MLLT3: variants seen among roughly 807,000 people sequenced by gnomAD.
MLLT3 encodes protein AF-9.
MLLT3 carries 4 observed loss-of-function variants against 53.2 expected under a neutral mutation model. The observed-to-expected ratio is 0.08, with a 90% CI of 0.04 to 0.17. The LOEUF is 0.17. Ranked by LOEUF, MLLT3 falls within the 10% of genes least tolerant of loss-of-function variation. MLLT3 has a pLI of 1.00. For synonymous variants in MLLT3, 283 were observed against 230.6 expected (o/e 1.23, Z -2.06); for missense variants, 569 against 684.0 (o/e 0.83, Z 1.87).
At chr9:20,444,911 G>A (rs1054554864) in intron 4 of MLLT3, among the ~76,000 whole-genome samples, 1 of 150,958 alleles carries the variant, frequency 6.6e-6, no homozygotes, top group Admixed American at 6.6e-5. Context: ...AGGCAACACA[G>A]TAAGACCCTG....
intron 2 of MLLT3, among the ~76,000 whole-genome samples, chr9:20,500,318 G>A (rs376818729): frequency 1.2e-4 from 18 of 152,176 alleles, no homozygotes; most frequent in African/African-American, 4.1e-4. Flanking sequence ...CTTACATGAA[G>A]GCTGCAGGTT....
intron 2 of MLLT3, among the ~76,000 whole-genome samples, chr9:20,488,393 G>GA (rs1411443629): frequency 1.3e-5 from 2 of 151,722 alleles, no homozygotes; most frequent in South Asian, 4.2e-4. Flanking sequence ...CAATAAAAAA[G>GA]AAAAAAACTA....
At chr9:20,567,454 T>C (rs1247836769) in intron 2 of MLLT3, among the ~76,000 whole-genome samples, 1 of 152,176 alleles carries the variant, frequency 6.6e-6, no homozygotes, top group Non-Finnish European at 1.5e-5. Context: ...CAAGCTATAG[T>C]GAGCCTAAAC....
At chr9:20,359,497 G>T (rs1371656972) in intron 8 of MLLT3, among the ~76,000 whole-genome samples, 6 of 152,176 alleles carry the variant, frequency 3.9e-5, no homozygotes, top group African/African-American at 1.4e-4. Context: ...TTTAATGTAG[G>T]ACACAAAGAA....
intron 2 of MLLT3, among the ~76,000 whole-genome samples, chr9:20,512,687 G>A (rs1460665271): frequency 6.6e-6 from 1 of 152,110 alleles, no homozygotes; most frequent in Admixed American, 6.5e-5. Flanking sequence ...GTTTTTTAAT[G>A]CAGCTGATTT....
Position 20,613,587 on chromosome 9 carries a change from C to CT in MLLT3, c.193+7066dup, listed in dbSNP as rs533322604. Among the ~76,000 whole-genome samples the CT allele has an allele frequency of 1.6e-3, 226 of 142,192 alleles. 4 individuals carry two copies. The South Asian group carries it at 0.026, about 17-fold the overall frequency. The allele number at this position is 142,192 out of a possible 152,430, so 93.3% of individuals were successfully genotyped here. On this transcript the variant is annotated intron_variant, in intron 2 of 10. Coordinates refer to ENST00000380338, the MANE Select transcript of MLLT3 (RefSeq NM_004529.4). The stretch of plus-strand genomic sequence containing the variant: ...ATATCATTCTCTGCATTTCCCCATG[C>CT]TTTTTTTTTTTTAATTAAAAAAGCA...
intron 5 of MLLT3, among the ~76,000 whole-genome samples, chr9:20,373,186 C>T (rs1480036537): frequency 1.3e-5 from 2 of 152,154 alleles, no homozygotes; most frequent in African/African-American, 2.4e-5. Flanking sequence ...ACCTAGCACA[C>T]TGCTGTTCTA....
rs1820995362 is a variant in MLLT3, at chr9:20,621,183, G to A, written c.13-349C>T. Among the ~76,000 whole-genome samples, 1 of 152,216 alleles carries A rather than the reference G, an allele frequency of 6.6e-6. No individual in the cohort carries two copies. Among genetic ancestry groups the A allele is most frequent in the Non-Finnish European group, 1.5e-5 (1 of 68,038 alleles). On this transcript the variant is annotated intron_variant, in intron 1 of 10. Transcript: ENST00000380338. This position sits in a 1 kb window ranked among gnomAD's most constrained non-coding sequence, Gnocchi z 7.0. ...ATGCATCGGAAACAAATCAGAAGGCGATGCCGGGGCGGTTTCCCGGCGTGG... is the reference window on the plus strand; with the variant it reads ...ATGCATCGGAAACAAATCAGAAGGCAATGCCGGGGCGGTTTCCCGGCGTGG...
intron 4 of MLLT3, among the ~76,000 whole-genome samples, chr9:20,430,688 C>T (rs1191573649): frequency 6.6e-6 from 1 of 151,970 alleles, no homozygotes; most frequent in Non-Finnish European, 1.5e-5. Context: ...ATCTATATGA[C>T]CTTGGTATAG....
chr9:20,484,908 T>A (rs1346264052), intron 2 of MLLT3, among the ~76,000 whole-genome samples: 2 of 152,184 alleles, frequency 1.3e-5, no homozygotes, highest in Non-Finnish European at 2.9e-5. Flanking sequence ...AAGGAGTATG[T>A]ATGGTAAAGG....
At chr9:20,351,958 G>A (rs562474054) in intron 10 of MLLT3, among the ~76,000 whole-genome samples, 4 of 152,174 alleles carry the variant, frequency 2.6e-5, no homozygotes, top group African/African-American at 9.7e-5. Context: ...ATGCAATTAG[G>A]GTGAAATGCT....
intron 4 of MLLT3, among the ~76,000 whole-genome samples, chr9:20,423,938 G>A (rs1228790200): frequency 6.6e-6 from 1 of 151,992 alleles, no homozygotes; most frequent in Non-Finnish European, 1.5e-5. Context: ...CATCTCCAAA[G>A]AAAAGAAAAT....
intron 4 of MLLT3, among the ~76,000 whole-genome samples, chr9:20,439,747 G>A (rs746621279): frequency 4.6e-5 from 7 of 152,100 alleles, no homozygotes; most frequent in Non-Finnish European, 1.0e-4. Flanking sequence ...TATATTAAAT[G>A]CAAAATATAG....
At position 20,567,858 on chromosome 9, in the gene MLLT3, G is replaced by A. The variant is rs571604800; in HGVS notation, c.193+52796C>T. 2.0e-4 allele frequency among the ~76,000 whole-genome samples: 30 copies of A among 152,082 alleles called. 1 individual carries two copies. The South Asian group carries it at 6.2e-3, about 32-fold the overall frequency. On this transcript the variant is annotated intron_variant, in intron 2 of 10. Transcript: ENST00000380338. ...GGTCTTCATTCCACTGGGGAGCAAGGGGTTTAAAAAAGAGAAAGGCCCATG... is the reference window on the plus strand; with the variant it reads ...GGTCTTCATTCCACTGGGGAGCAAGAGGTTTAAAAAAGAGAAAGGCCCATG...
At chr9:20,603,325 CAAG>C (rs1292520032) in intron 2 of MLLT3, among the ~76,000 whole-genome samples, 3 of 152,148 alleles carry the variant, frequency 2.0e-5, no homozygotes, top group African/African-American at 7.2e-5. Flanking sequence ...GCTCTGATCT[CAAG>C]AACACCACTT....
At chr9:20,423,837 G>A (rs1205577303) in intron 4 of MLLT3, among the ~76,000 whole-genome samples, 1 of 151,736 alleles carries the variant, frequency 6.6e-6, no homozygotes, top group Admixed American at 6.6e-5. Flanking sequence ...GTGCATGCCT[G>A]TAGTTCCACA....
intron 2 of MLLT3, among the ~76,000 whole-genome samples, chr9:20,498,067 A>G (rs1008068055): frequency 2.0e-5 from 3 of 151,544 alleles, no homozygotes; most frequent in East Asian, 3.9e-4. Context: ...ACTAAAAAAT[A>G]TAAAAATTAG....
intron 2 of MLLT3, among the ~76,000 whole-genome samples, chr9:20,519,010 C>T (rs867493352): frequency 6.6e-6 from 1 of 152,094 alleles, no homozygotes; most frequent in Middle Eastern, 3.4e-3. Flanking sequence ...TTCTTCCTTC[C>T]TATAAAAGGT....
chr9:20,446,471 C>G (rs942915266), intron 4 of MLLT3, among the ~76,000 whole-genome samples: 5 of 152,134 alleles, frequency 3.3e-5, no homozygotes, highest in African/African-American at 1.2e-4. Flanking sequence ...CACAGGCAAC[C>G]CTCGACTTCT....
Sources: allele counts gnomAD v4.1 joint callset (sites outside exome capture counted in the v4.1 genomes callset), GRCh38; gene constraint gnomAD v4.1.1; non-coding constraint Gnocchi (gnomAD v3.1); transcripts MANE v1.5; gene names NCBI Gene and HGNC (gene_info 2026-07-23, HGNC 2026-07-21).